MYO1H: variants seen among roughly 807,000 people sequenced by gnomAD.
MYO1H encodes the protein myosin IH.
MYO1H carries 118 observed loss-of-function variants against 149.3 expected under a neutral mutation model. The observed-to-expected ratio is 0.79, with a 90% confidence interval of 0.68 to 0.92. MYO1H has a LOEUF of 0.92. Ranked by LOEUF, MYO1H falls within the 40% of genes least tolerant of loss-of-function variation. The pLI is 0.00. For synonymous variants in MYO1H, 447 were observed against 465.2 expected (o/e 0.96, Z 0.50); for missense variants, 1,212 against 1,280.7 (o/e 0.95, Z 0.82).
At chr12:109,328,296 A>G in the MYO1H span, among the ~76,000 whole-genome samples, 1 of 152,228 alleles carries the variant, frequency 6.6e-6, no homozygotes, top group Non-Finnish European at 1.5e-5. Context: ...TGTGCAAGCA[A>G]CATGCATTAA....
the MYO1H span, among the ~76,000 whole-genome samples, chr12:109,339,959 T>C: frequency 6.6e-6 from 1 of 152,176 alleles, no homozygotes; most frequent in Admixed American, 6.5e-5. Flanking sequence ...ATTCAACTTA[T>C]AGGAACTCCA....
At chr12:109,443,515 A>G (rs768741737) in exon 28 of MYO1H, 3 of 1,613,612 alleles carry the variant, frequency 1.9e-6, no homozygotes, top group Middle Eastern at 1.7e-4. Context: ...CCCTTGCAGT[A>G]TGGTGTCCCG....
chr12:109,355,672 T>G (rs971341543), intron 1 of MYO1H, among the ~76,000 whole-genome samples: 1 of 151,732 alleles, frequency 6.6e-6, no homozygotes, highest in Non-Finnish European at 1.5e-5. Context: ...GTTTTTTTGG[T>G]TTGTTTTTGT....
At chr12:109,404,406 C>T (rs949950916) in intron 7 of MYO1H, among the ~76,000 whole-genome samples, 4 of 152,158 alleles carry the variant, frequency 2.6e-5, no homozygotes, top group South Asian at 2.1e-4. Context: ...CGCTTGAATC[C>T]GGGAGATGGA....
chr12:109,358,464 A>C (rs900375124), intron 1 of MYO1H, among the ~76,000 whole-genome samples: 1 of 152,334 alleles, frequency 6.6e-6, no homozygotes, highest in African/African-American at 2.4e-5. Context: ...CAGATAAAAC[A>C]GGGCTTCTCA....
chr12:109,375,206 G>A (rs990649683), intron 1 of MYO1H, among the ~76,000 whole-genome samples: 1 of 146,834 alleles, frequency 6.8e-6, no homozygotes, highest in Non-Finnish European at 1.5e-5. Flanking sequence ...AGGCTGGAGT[G>A]CAGTGGCACA....
intron 2 of MYO1H, among the ~76,000 whole-genome samples, chr12:109,389,291 T>C (rs1869531430): frequency 6.6e-6 from 1 of 152,140 alleles, no homozygotes; most frequent in South Asian, 2.1e-4. Flanking sequence ...ATGGCCCAAG[T>C]TGACATTGAT....
chr12:109,317,853 T>C, the MYO1H span, among the ~76,000 whole-genome samples: 1 of 152,202 alleles, frequency 6.6e-6, no homozygotes, highest in Non-Finnish European at 1.5e-5. Context: ...AGGATGCTTG[T>C]AAGCTTCTCA....
intron 1 of MYO1H, among the ~76,000 whole-genome samples, chr12:109,362,185 T>C (rs910966059): frequency 4.6e-5 from 7 of 152,180 alleles, no homozygotes; most frequent in African/African-American, 1.4e-4. Flanking sequence ...CACCAAACAA[T>C]TGTTGGGTAA....
In MYO1H at chr12:109,397,247, T is replaced by C. The variant is rs574057932; in HGVS notation, c.490-485T>C. On this transcript the variant is annotated intron_variant, in intron 4 of 31. Transcript: ENST00000310903. ...TTCTTATTATTGAGTTAAAATTATTTTGGTTATGATTACTTCCACTATTGC... is the reference window on the plus strand; with the variant it reads ...TTCTTATTATTGAGTTAAAATTATTCTGGTTATGATTACTTCCACTATTGC... Among the ~76,000 whole-genome samples the C allele has an allele frequency of 2.0e-5, 3 of 152,318 alleles. No individual in the cohort carries two copies. The South Asian group carries it at 6.2e-4, about 32-fold the overall frequency.
intron 11 of MYO1H, 120 bp downstream of exon 11, chr12:109,409,744 T>G: frequency 1.1e-6 from 1 of 911,158 alleles, no homozygotes; most frequent in South Asian, 1.5e-5. Flanking sequence ...GTCTCTAGAT[T>G]TACATAGTTT....
chr12:109,392,445 A>T (rs1869696249), intron 2 of MYO1H, among the ~76,000 whole-genome samples: 1 of 152,146 alleles, frequency 6.6e-6, no homozygotes, highest in Admixed American at 6.5e-5. Context: ...CTTCCCGGCC[A>T]GGCGCGGTGG....
intron 1 of MYO1H, among the ~76,000 whole-genome samples, chr12:109,357,480 T>C (rs1868634769): frequency 6.6e-6 from 1 of 152,186 alleles, no homozygotes; most frequent in Non-Finnish European, 1.5e-5. Flanking sequence ...GTTGGCAAAC[T>C]TTTTCTGTAA....
exon 16 of MYO1H, chr12:109,421,019 C>T: frequency 6.3e-7 from 1 of 1,582,014 alleles, no homozygotes; most frequent in Admixed American, 1.7e-5. Context: ...TTACAGACAT[C>T]TGAAAGAAGT....
chr12:109,438,930 G>A (rs1419768300), intron 23 of MYO1H, among the ~76,000 whole-genome samples: 2 of 152,210 alleles, frequency 1.3e-5, no homozygotes, highest in African/African-American at 2.4e-5. Flanking sequence ...GCATGGTGGA[G>A]ACCAGCAAAC....
At chr12:109,357,997 G>A (rs535992560) in intron 1 of MYO1H, among the ~76,000 whole-genome samples, 4 of 151,824 alleles carry the variant, frequency 2.6e-5, no homozygotes, top group Non-Finnish European at 5.9e-5. Flanking sequence ...ATCATTTGCT[G>A]ATTTTTCATG....
At chr12:109,364,015 C>T (rs928413855) in intron 1 of MYO1H, among the ~76,000 whole-genome samples, 8 of 151,624 alleles carry the variant, frequency 5.3e-5, no homozygotes, top group Non-Finnish European at 1.2e-4. Context: ...GCTTTACCAA[C>T]ATGGTGAAAC....
chr12:109,443,072 ATATGTG>A (rs1284402083), intron 27 of MYO1H, among the ~76,000 whole-genome samples: 2 of 109,160 alleles, frequency 1.8e-5, no homozygotes, highest in African/African-American at 7.0e-5. Context: ...ATGTGTGTAT[ATATGTG>A]TACGTATGTG....
intron 19 of MYO1H, 28 bp downstream of exon 19, chr12:109,427,614 C>A: frequency 6.8e-7 from 1 of 1,467,636 alleles, no homozygotes; most frequent in Non-Finnish European, 9.5e-7. Flanking sequence ...GATCTGAAGC[C>A]AATAGTCATG....
Sources: gnomAD v4.1 joint callset for allele counts (sites outside exome capture counted in the v4.1 genomes callset) on GRCh38, gnomAD v4.1.1 for gene constraint, MANE v1.5 for transcripts, NCBI Gene and HGNC (gene_info 2026-07-23, HGNC 2026-07-21) for gene names.